The following CXCL13 variants were observed in gnomAD, a reference collection of about 807,000 sequenced individuals.
CXCL13 encodes C-X-C motif chemokine 13.
Under a neutral mutation model 12.2 loss-of-function variants are expected in CXCL13, and 7 were observed. The ratio of observed to expected loss-of-function variants is 0.57; its 90% CI spans 0.33 to 1.07. The LOEUF (loss-of-function observed/expected upper bound fraction) is 1.07. Among genes scored for constraint, CXCL13 ranks in the 50% least tolerant of loss-of-function variants. CXCL13 has a pLI of 0.04. For missense variants in CXCL13, 113 were observed against 127.4 expected (o/e 0.89, Z 0.55); for synonymous variants, 47 against 42.4 (o/e 1.11, Z -0.42).
At chr4:77,531,660 A>T (rs186551087) in intron 1 of CXCL13, among the ~76,000 whole-genome samples, 1 of 152,114 alleles carries the variant, frequency 6.6e-6, no homozygotes, top group Non-Finnish European at 1.5e-5. Flanking sequence ...AAAGTCTCCC[A>T]TTATTATTGT....
At position 77,552,225 on chromosome 4, in the gene CXCL13, A is replaced by G. The variant is rs1442683880; in HGVS notation, c.-43+40437A>G. ...GATGCTAGCACTTCTAATATTTGTA[A>G]TTATTTTCATGTGGGTAGGATTTTT... On this transcript the variant is annotated intron_variant, in intron 1 of 4. Transcript: ENST00000286758. Among the ~76,000 whole-genome samples the G allele has an allele frequency of 2.6e-5, 4 of 152,168 alleles. No individual in the cohort carries two copies. The South Asian group carries it at 6.2e-4, about 24-fold the overall frequency.
chr4:77,608,216 G>A (rs1485628890), intron 2 of CXCL13, among the ~76,000 whole-genome samples: 5 of 152,180 alleles, frequency 3.3e-5, no homozygotes, highest in South Asian at 2.1e-4. Context: ...CGAGGAGGGC[G>A]GATCACCTGA....
intron 1 of CXCL13, among the ~76,000 whole-genome samples, chr4:77,516,121 C>A (rs1724410789): frequency 6.6e-6 from 1 of 152,142 alleles, no homozygotes; most frequent in Non-Finnish European, 1.5e-5. Flanking sequence ...TATTGATTTG[C>A]ATATATCGAA....
At chr4:77,585,515 G>T (rs539702265) in intron 1 of CXCL13, among the ~76,000 whole-genome samples, 1 of 152,258 alleles carries the variant, frequency 6.6e-6, no homozygotes, top group South Asian at 2.1e-4. Context: ...CTAGCAGTCT[G>T]GGTAACAAAG....
intron 1 of CXCL13, among the ~76,000 whole-genome samples, chr4:77,514,750 G>A (rs1434817390): frequency 1.3e-5 from 2 of 152,146 alleles, no homozygotes; most frequent in Non-Finnish European, 1.5e-5. Flanking sequence ...CTCCCATTTT[G>A]TGGGATGCCT....
In CXCL13 at chr4:77,590,043, T is replaced by G. The variant is rs929177415; in HGVS notation, c.-42-15781T>G. On this transcript the variant is annotated intron_variant, in intron 1 of 4. Coordinates refer to the CXCL13 transcript ENST00000286758. ...TCTATAAATATTGATGATTGAAGCC[T>G]ATTGATCATTTTTATTAACATAGGA... Among the ~76,000 whole-genome samples the G allele has an allele frequency of 2.6e-5, 4 of 152,356 alleles. No homozygotes were observed. In the Middle Eastern group the frequency reaches 0.014, roughly 518 times the overall value.
chr4:77,543,497 A>G (rs1481710331), intron 1 of CXCL13, among the ~76,000 whole-genome samples: 1 of 152,110 alleles, frequency 6.6e-6, no homozygotes, highest in Admixed American at 6.6e-5. Flanking sequence ...ATTTAGCACT[A>G]TTAACTTTCC....
chr4:77,555,512 G>A (rs982855060), intron 1 of CXCL13, among the ~76,000 whole-genome samples: 3 of 151,912 alleles, frequency 2.0e-5, no homozygotes, highest in African/African-American at 7.2e-5. Flanking sequence ...GTAAATGCAA[G>A]ACTAATTATA....
chr4:77,546,504 A>G (rs1177503643), intron 1 of CXCL13, among the ~76,000 whole-genome samples: 2 of 152,058 alleles, frequency 1.3e-5, no homozygotes, highest in Non-Finnish European at 2.9e-5. Flanking sequence ...GAATTTGTCC[A>G]TTTCTTCCAG....
intron 1 of CXCL13, among the ~76,000 whole-genome samples, chr4:77,515,607 T>G (rs1010583887): frequency 2.6e-5 from 4 of 152,168 alleles, no homozygotes; most frequent in Non-Finnish European, 4.4e-5. Context: ...GGCTCTCTGT[T>G]TGTCTGTTAT....
At chr4:77,520,198 G>T (rs967886653) in intron 1 of CXCL13, among the ~76,000 whole-genome samples, 3 of 152,130 alleles carry the variant, frequency 2.0e-5, no homozygotes, top group Non-Finnish European at 4.4e-5. Context: ...GGCAATGCGG[G>T]CTCTTTTTTG....
At chr4:77,596,130 C>A (rs1177319485) in intron 1 of CXCL13, among the ~76,000 whole-genome samples, 2 of 152,286 alleles carry the variant, frequency 1.3e-5, no homozygotes, top group Middle Eastern at 6.8e-3. Context: ...ACAAGAAATA[C>A]AATGGAATTT....
chr4:77,513,804 CT>C (rs113540218), intron 1 of CXCL13, among the ~76,000 whole-genome samples: 16,514 of 140,624 alleles, frequency 0.12, 2,385 homozygotes, highest in African/African-American at 0.36. Context: ...GATGGTATCT[CT>C]TTTTTTTTTT....
chr4:77,580,881 C>T (rs969355565), intron 1 of CXCL13, among the ~76,000 whole-genome samples: 10 of 150,126 alleles, frequency 6.7e-5, no homozygotes, highest in African/African-American at 2.5e-4. Context: ...TGTGATGAGA[C>T]CCCCTGGCCT....
At chr4:77,527,403 G>C (rs1347849349) in intron 1 of CXCL13, among the ~76,000 whole-genome samples, 1 of 152,134 alleles carries the variant, frequency 6.6e-6, no homozygotes, top group African/African-American at 2.4e-5. Flanking sequence ...AGGCTGAGGC[G>C]GGTGGATTAA....
At chr4:77,513,259 T>C (rs1162543578) in intron 1 of CXCL13, among the ~76,000 whole-genome samples, 1 of 152,212 alleles carries the variant, frequency 6.6e-6, no homozygotes, top group Admixed American at 6.5e-5. Flanking sequence ...CATGTGTCTT[T>C]ATAGTAGCCT....
At chr4:77,588,241 G>C (rs1173033703) in intron 1 of CXCL13, among the ~76,000 whole-genome samples, 1 of 152,176 alleles carries the variant, frequency 6.6e-6, no homozygotes, top group Non-Finnish European at 1.5e-5. Flanking sequence ...AAAAGTTCTA[G>C]TGAACAATCA....
chr4:77,522,224 G>T (rs1421350062), intron 1 of CXCL13, among the ~76,000 whole-genome samples: 1 of 152,086 alleles, frequency 6.6e-6, no homozygotes, highest in East Asian at 1.9e-4. Context: ...TGTCTATTAG[G>T]TCTGCTTGGT....
At chr4:77,526,678 A>T (rs1460449264) in intron 1 of CXCL13, among the ~76,000 whole-genome samples, 1 of 152,146 alleles carries the variant, frequency 6.6e-6, no homozygotes, top group Non-Finnish European at 1.5e-5. Context: ...CTTCCACACT[A>T]TGGTGTAAGC....
Sources: allele counts gnomAD v4.1 joint callset (sites outside exome capture counted in the v4.1 genomes callset), GRCh38; gene constraint gnomAD v4.1.1; transcripts MANE v1.5; gene names NCBI Gene and HGNC (gene_info 2026-07-23, HGNC 2026-07-21).